The following ARHGAP24 variants were observed in gnomAD, a reference collection of about 807,000 sequenced individuals.
ARHGAP24 encodes the protein Rho GTPase activating protein 24.
Under a neutral mutation model 76.4 loss-of-function variants are expected in ARHGAP24, and 50 were observed. The ratio of observed to expected loss-of-function variants is 0.65; its 90% CI spans 0.52 to 0.83. The LOEUF is 0.83. ARHGAP24 is among the 40% of genes least tolerant of loss of function. The probability of loss-of-function intolerance (pLI) is 0.00; values close to 1 mark genes in which losing one functional copy is unlikely to be tolerated. For missense variants in ARHGAP24, 930 were observed against 914.2 expected (o/e 1.02, Z -0.22); for synonymous variants, 345 against 323.3 (o/e 1.07, Z -0.72).
At chr4:85,494,502 T>C (rs756738891) in intron 1 of ARHGAP24, among the ~76,000 whole-genome samples, 2 of 151,806 alleles carry the variant, frequency 1.3e-5, no homozygotes, top group African/African-American at 4.8e-5. Context: ...CTGGCCAACA[T>C]GGTGAAACCA....
intron 3 of ARHGAP24, among the ~76,000 whole-genome samples, chr4:85,799,013 C>T (rs755117011): frequency 1.5e-4 from 23 of 151,978 alleles, no homozygotes; most frequent in Non-Finnish European, 2.1e-4. Flanking sequence ...GTATGAACCA[C>T]CCTATGGTAC....
intron 3 of ARHGAP24, among the ~76,000 whole-genome samples, chr4:85,795,580 T>G (rs1348998756): frequency 1.3e-5 from 2 of 152,222 alleles, no homozygotes; most frequent in African/African-American, 4.8e-5. Context: ...GCAATCAGAA[T>G]CTGGAACAAG....
chr4:85,842,500 C>T (rs1730654773), intron 3 of ARHGAP24, among the ~76,000 whole-genome samples: 2 of 152,216 alleles, frequency 1.3e-5, no homozygotes, highest in South Asian at 2.1e-4. Flanking sequence ...ATGAAGTCTT[C>T]CAGGTCCATG....
chr4:85,580,853 C>T (rs1439983592), intron 2 of ARHGAP24, among the ~76,000 whole-genome samples: 2 of 152,128 alleles, frequency 1.3e-5, no homozygotes, highest in African/African-American at 2.4e-5. Context: ...TCTGTTGTCT[C>T]GTAGAAGAGT....
chr4:85,700,560 C>T (rs75636118), intron 2 of ARHGAP24, among the ~76,000 whole-genome samples: 4,115 of 152,140 alleles, frequency 0.027, 96 homozygotes, highest in Non-Finnish European at 0.042. Context: ...GGAAGGATTA[C>T]AGGGGAAGCC....
intron 3 of ARHGAP24, among the ~76,000 whole-genome samples, chr4:85,861,000 G>A (rs866776296): frequency 4.7e-4 from 65 of 137,502 alleles, no homozygotes; most frequent in Middle Eastern, 3.7e-3. Flanking sequence ...GTGCATGCAC[G>A]CACACACACA....
intron 6 of ARHGAP24, 81 bp from the exon 7 acceptor site, chr4:85,974,807 A>C: frequency 7.4e-7 from 1 of 1,357,064 alleles, no homozygotes; most frequent in Non-Finnish European, 1.0e-6. Context: ...TTTTTTAAAA[A>C]ATTATATGGC....
chr4:85,785,637 T>A (rs1482495944), intron 3 of ARHGAP24, among the ~76,000 whole-genome samples: 2 of 152,162 alleles, frequency 1.3e-5, no homozygotes, highest in African/African-American at 4.8e-5. Context: ...ATTCTTAGTG[T>A]CACAAAACAA....
rs751075719 is a variant in ARHGAP24 at position 85,994,687 on chromosome 4, A to G, written c.1033A>G (p.Asn345Asp). 1.5e-5 allele frequency: 25 copies of G among 1,614,072 alleles called. No individual in the cohort carries two copies. Among genetic ancestry groups the G allele is most frequent in the Non-Finnish European group, 6.8e-6 (8 of 1,180,036 alleles). The change falls in exon 9 of 10, where the codon AAC becomes GAC. Residue 345 changes from asparagine to aspartate, a missense_variant. Physicochemically the swap from Asn to Asp is conservative, Grantham distance 23. Coordinates refer to ENST00000395184, the MANE Select transcript of ARHGAP24 (RefSeq NM_001025616.3). ...LQSKPQDGVS[N>D]NNEIQKKATM... ...AAGCAAGCCCCAAGATGGAGTGAGC[A>G]ACAACAATGAAATTCAGAAGAAAGC... is the stretch of plus-strand genomic sequence containing the variant.
intron 2 of ARHGAP24, among the ~76,000 whole-genome samples, chr4:85,700,404 A>T (rs201343874): frequency 0.052 from 4,454 of 86,476 alleles, 167 homozygotes; most frequent in Middle Eastern, 0.099. Context: ...TAAAAAAAAA[A>T]AAATAAATAA....
At chr4:85,923,811 C>T (rs1363319789) in intron 4 of ARHGAP24, 41 bp downstream of exon 4, 1 of 1,613,212 alleles carries the variant, frequency 6.2e-7, no homozygotes, top group South Asian at 1.1e-5. Flanking sequence ...GAAAGGTAGA[C>T]CAAACCTGTT....
At chr4:85,976,003 A>G (rs558647406) in intron 7 of ARHGAP24, among the ~76,000 whole-genome samples, 1 of 152,212 alleles carries the variant, frequency 6.6e-6, no homozygotes, top group Non-Finnish European at 1.5e-5. Context: ...TTGACACCTT[A>G]GACTTATTAA....
chr4:85,902,124 C>T (rs1447704436), intron 3 of ARHGAP24, among the ~76,000 whole-genome samples: 1 of 152,102 alleles, frequency 6.6e-6, no homozygotes, highest in Non-Finnish European at 1.5e-5. Flanking sequence ...TGGCTTCCAG[C>T]TTCATCCATA....
At chr4:85,814,135 A>G (rs1424563853) in intron 3 of ARHGAP24, among the ~76,000 whole-genome samples, 1 of 151,946 alleles carries the variant, frequency 6.6e-6, no homozygotes, top group Non-Finnish European at 1.5e-5. Context: ...ACCATCTCCC[A>G]CCAGTTTCCT....
chr4:85,891,305 A>T (rs570038647), intron 3 of ARHGAP24, among the ~76,000 whole-genome samples: 111 of 149,284 alleles, frequency 7.4e-4, no homozygotes, highest in East Asian at 2.4e-3. Flanking sequence ...TCGTCTGCAA[A>T]CAGGGACAAT....
intron 1 of ARHGAP24, among the ~76,000 whole-genome samples, chr4:85,566,304 T>G (rs1726843135): frequency 6.6e-6 from 1 of 152,250 alleles, no homozygotes; most frequent in Admixed American, 6.5e-5. Context: ...AATCATTCTC[T>G]GAGAATTTGA....
chr4:85,986,214 A>G (rs1739982305), intron 8 of ARHGAP24, among the ~76,000 whole-genome samples: 1 of 152,164 alleles, frequency 6.6e-6, no homozygotes, highest in Admixed American at 6.6e-5. Flanking sequence ...TGTAGCCATT[A>G]ATGATATCCT....
At chr4:85,564,262 A>T (rs1452785822) in intron 1 of ARHGAP24, among the ~76,000 whole-genome samples, 1 of 152,152 alleles carries the variant, frequency 6.6e-6, no homozygotes, top group African/African-American at 2.4e-5. Context: ...TAAAAAGGAC[A>T]TGAACTCATC....
At chr4:85,823,573 A>G (rs924966341) in intron 3 of ARHGAP24, among the ~76,000 whole-genome samples, 2 of 152,008 alleles carry the variant, frequency 1.3e-5, no homozygotes, top group South Asian at 2.1e-4. Flanking sequence ...CACTGTTATC[A>G]CTCAGCTCAG....
Sources: gnomAD v4.1 joint callset for allele counts (sites outside exome capture counted in the v4.1 genomes callset) on GRCh38, gnomAD v4.1.1 for gene constraint, MANE v1.5 for transcripts, NCBI Gene and HGNC (gene_info 2026-07-23, HGNC 2026-07-21) for gene names.